Variants in CR1 observed in about 807,000 individuals in gnomAD.
CR1 encodes complement C3b/C4b receptor 1 (Knops blood group), also known as complement receptor type 1.
Under a neutral mutation model 187.3 loss-of-function variants are expected in CR1, and 116 were observed. The ratio of observed to expected loss-of-function variants is 0.62; its 90% CI spans 0.53 to 0.72. The LOEUF is 0.72. Among genes scored for constraint, CR1 ranks in the 30% least tolerant of loss-of-function variants. CR1 has a pLI of 0.00. For synonymous variants in CR1, 576 were observed against 747.1 expected, an observed-to-expected ratio of 0.77 and a Z score of 3.73; for missense variants, 1,731 against 2,110.7, an observed-to-expected ratio of 0.82 and a Z score of 3.52.
intron 1 of CR1, among the ~76,000 whole-genome samples, chr1:207,502,465 GC>G (rs1262293924): frequency 6.6e-6 from 1 of 152,158 alleles, no homozygotes; most frequent in Non-Finnish European, 1.5e-5. Context: ...TGACATTTTA[GC>G]AGATGCCTGA....
chr1:207,609,483 C>T lies in CR1; in HGVS notation c.6090C>T (p.Ser2030=). The T allele has an allele frequency of 6.2e-7, 1 of 1,613,956 alleles. No individual in the cohort carries two copies. Among genetic ancestry groups the T allele is most frequent in the East Asian group, 2.2e-5 (1 of 44,878 alleles). The change falls in exon 37 of 47, where the codon AGC becomes AGT. Residue 2030 remains serine, a synonymous_variant. Transcript: ENST00000367049. ...ATGATCAAGTTGGTGTTTGGAGCAG[C>T]CCTCCCCCTCGGTGTATTTCTACTA... ...SKDDQVGVWS[S]PPPRCISTNK... is the part of the protein sequence containing the mutation.
chr1:207,515,245 A>C (rs911847866), intron 4 of CR1, among the ~76,000 whole-genome samples: 6 of 146,588 alleles, frequency 4.1e-5, no homozygotes, highest in African/African-American at 7.6e-5. Flanking sequence ...ATACATATAC[A>C]TATATAGGTA....
rs765886000 is a variant in CR1 at position 207,565,908 on chromosome 1, G to A, written c.3937G>A (p.Val1313Ile). The A allele has an allele frequency of 3.2e-5, 51 of 1,610,998 alleles. 2 individuals are homozygous for A. In the Admixed American group the frequency reaches 3.3e-4, roughly 11 times the overall value. Residue 1313 changes from valine (V) to isoleucine (I), a missense_variant, in exon 24 of 47, where the codon GTT becomes ATT. Physicochemically the swap from Val to Ile is conservative, Grantham distance 29. Transcript: ENST00000367049. ...AGMESLWNSS[V>I]PVCEQIFCPS... ...AATGGAAAGCCTTTGGAATAGCAGT[G>A]TTCCAGTGTGTGAACGTGAGTAATA... is the stretch of plus-strand genomic sequence containing the variant.
At chr1:207,592,597 C>A (rs1661304946) in intron 35 of CR1, among the ~76,000 whole-genome samples, 1 of 152,094 alleles carries the variant, frequency 6.6e-6, no homozygotes, top group Non-Finnish European at 1.5e-5. Context: ...CTGGCCAGGG[C>A]AATCAGGCAA....
chr1:207,633,786 C>T (rs145711772), intron 46 of CR1, among the ~76,000 whole-genome samples: 3,110 of 152,252 alleles, frequency 0.02, 123 homozygotes, highest in African/African-American at 0.072. Context: ...ACCAAACAGG[C>T]TTTGTGTGAG....
intron 35 of CR1, among the ~76,000 whole-genome samples, chr1:207,590,023 G>A (rs1338691747): frequency 8.3e-6 from 1 of 119,994 alleles, no homozygotes; most frequent in African/African-American, 8.5e-5. Flanking sequence ...GAACCAAGTT[G>A]GAAAACACTC....
chr1:207,508,542 G>T (rs1037839806), intron 3 of CR1, among the ~76,000 whole-genome samples: 1 of 152,152 alleles, frequency 6.6e-6, no homozygotes, highest in African/African-American at 2.4e-5. Context: ...ACAAATAAGT[G>T]CAGGTAAAAC....
chr1:207,565,843 A>C lies in CR1; in HGVS notation c.3872A>C (p.Gln1291Pro). 6.2e-7 allele frequency: 1 copy of C among 1,610,702 alleles called. No individual in the cohort carries two copies. The highest frequency in any genetic ancestry group is 8.5e-7 in the Non-Finnish European group (1 of 1,179,688). Residue 1291 changes from glutamine (Q) to proline (P), a missense_variant, in exon 24 of 47, where the codon CAA becomes CCA. Coordinates refer to ENST00000367049, the MANE Select transcript of CR1 (RefSeq NM_000651.6). ...KVDFVCDEGF[Q>P]LKGSSASYCV... Reference sequence around the variant, plus strand: ...ACTCCTATTTTCTTCTTTAGATTTCAATTAAAAGGCAGCTCTGCTAGTTAT... The same window carrying C: ...ACTCCTATTTTCTTCTTTAGATTTCCATTAAAAGGCAGCTCTGCTAGTTAT...
intron 39 of CR1, among the ~76,000 whole-genome samples, chr1:207,612,362 A>G (rs969514099): frequency 1.4e-4 from 21 of 152,252 alleles, no homozygotes; most frequent in African/African-American, 5.1e-4. Flanking sequence ...GAGGTATGCT[A>G]GAAAATAAAT....
At chr1:207,516,209 C>T (rs1659804809) in intron 4 of CR1, among the ~76,000 whole-genome samples, 1 of 151,962 alleles carries the variant, frequency 6.6e-6, no homozygotes, top group Non-Finnish European at 1.5e-5. Context: ...GTGACAAAGC[C>T]CTGTTTCTTA....
chr1:207,523,780 C>T lies in CR1; in HGVS notation c.657C>T (p.Asp219=), dbSNP rs757566760. 35 of 1,611,834 alleles carry T rather than the reference C, an allele frequency of 2.2e-5. No individual in the cohort carries two copies. Among genetic ancestry groups the T allele is most frequent in the Non-Finnish European group, 2.6e-5 (31 of 1,179,772 alleles). ...CCTCCATATACTGCACCAGCAATGA[C>T]GATCAAGTGGGCATCTGGAGCGGCC... The part of the protein sequence containing the change: ...GEPSIYCTSN[D]DQVGIWSGPA... Residue 219 remains aspartate (D), a synonymous_variant, in exon 5 of 47, where the codon GAC becomes GAT. Transcript: ENST00000367049.
intron 3 of CR1, among the ~76,000 whole-genome samples, chr1:207,508,800 A>G (rs1659527987): frequency 6.6e-6 from 1 of 152,146 alleles, no homozygotes; most frequent in African/African-American, 2.4e-5. Context: ...TTCAGGGAGC[A>G]ATAAAGTAAT....
intron 4 of CR1, among the ~76,000 whole-genome samples, chr1:207,516,976 T>C (rs560031193): frequency 6.6e-6 from 1 of 152,242 alleles, no homozygotes; most frequent in South Asian, 2.1e-4. Flanking sequence ...CAGTACAATA[T>C]TGAATAGAAG....
intron 1 of CR1, 54 bp downstream of exon 1, chr1:207,496,442 C>T: frequency 1.3e-6 from 2 of 1,537,970 alleles, no homozygotes; most frequent in Middle Eastern, 2.3e-4. Flanking sequence ...AACCCGGGGC[C>T]CCGCAGAGAA....
chr1:207,513,008 G>T (rs1009707434), intron 4 of CR1, among the ~76,000 whole-genome samples: 8 of 152,164 alleles, frequency 5.3e-5, no homozygotes, highest in African/African-American at 1.9e-4. Context: ...ATCCGTTGGT[G>T]CTGCTCTGGG....
At chr1:207,497,448 C>T (rs549206098) in intron 1 of CR1, among the ~76,000 whole-genome samples, 17 of 152,234 alleles carry the variant, frequency 1.1e-4, no homozygotes, top group Admixed American at 3.3e-4. Context: ...ACTCCGGGTT[C>T]GCCCTTCTCT....
At chr1:207,621,674 G>A (rs1342904412) in intron 43 of CR1, among the ~76,000 whole-genome samples, 2 of 152,166 alleles carry the variant, frequency 1.3e-5, no homozygotes, top group Non-Finnish European at 2.9e-5. Flanking sequence ...ATAAGGAAAT[G>A]TACCAGAACA....
chr1:207,518,839 C>T (rs1357184240), intron 4 of CR1, among the ~76,000 whole-genome samples: 2 of 152,198 alleles, frequency 1.3e-5, no homozygotes, highest in African/African-American at 4.8e-5. Flanking sequence ...TACAAAGACT[C>T]TCCAAACTGG....
At chr1:207,636,920 T>A (rs1662832394) in intron 46 of CR1, among the ~76,000 whole-genome samples, 1 of 152,202 alleles carries the variant, frequency 6.6e-6, no homozygotes, top group South Asian at 2.1e-4. Context: ...CAGCTTATAG[T>A]TTGAGAGTCT....
Sources: allele counts gnomAD v4.1 joint callset (sites outside exome capture counted in the v4.1 genomes callset), GRCh38; gene constraint gnomAD v4.1.1; transcripts MANE v1.5; gene names NCBI Gene and HGNC (gene_info 2026-07-23, HGNC 2026-07-21).